TBC1D31: variants seen among roughly 807,000 people sequenced by gnomAD.
TBC1D31 encodes WD repeat domain 67.
Under a neutral mutation model 132.9 loss-of-function variants are expected in TBC1D31, and 99 were observed. The ratio of observed to expected loss-of-function variants is 0.74; its 90% CI spans 0.63 to 0.88. The LOEUF (loss-of-function observed/expected upper bound fraction) is 0.88. Among genes scored for constraint, TBC1D31 ranks in the 40% least tolerant of loss-of-function variants. The pLI, the probability that TBC1D31 is intolerant of heterozygous loss-of-function variation, is 0.00. For missense variants in TBC1D31, 1,134 were observed against 1,256.6 expected (o/e 0.90, Z 1.48); for synonymous variants, 385 against 419.4 (o/e 0.92, Z 1.00).
At chr8:123,151,137 T>TGGTTATTTGGTAACCTTA (rs6150795) in intron 21 of TBC1D31, among the ~76,000 whole-genome samples, 32,761 of 152,122 alleles carry the variant, frequency 0.22, 4,055 homozygotes, top group African/African-American at 0.33. Context: ...ACATATCAAA[T>TGGTTATTTGGTAACCTTA]GGTTATTTGG....
intron 11 of TBC1D31, among the ~76,000 whole-genome samples, chr8:123,122,541 A>G (rs1819598460): frequency 6.6e-6 from 1 of 152,244 alleles, no homozygotes; most frequent in Non-Finnish European, 1.5e-5. Flanking sequence ...GGAAAGTGGG[A>G]CAGAGAGCTA....
chr8:123,098,451 A>G (rs1373049728), intron 6 of TBC1D31, among the ~76,000 whole-genome samples: 1 of 152,058 alleles, frequency 6.6e-6, no homozygotes, highest in East Asian at 1.9e-4. Context: ...ACAGGCATGA[A>G]CCACCATGCC....
chr8:123,152,380 C>T (rs986051873), downstream of TBC1D31, among the ~76,000 whole-genome samples: 1 of 152,114 alleles, frequency 6.6e-6, no homozygotes, highest in African/African-American at 2.4e-5. Context: ...GCGGGACCCC[C>T]TCTTTGTCAG....
chr8:123,082,259 A>G (rs1251042153), intron 2 of TBC1D31, among the ~76,000 whole-genome samples: 2 of 152,038 alleles, frequency 1.3e-5, no homozygotes, highest in African/African-American at 4.8e-5. Flanking sequence ...CCCTGTATCT[A>G]TTCTTATCTT....
intron 3 of TBC1D31, chr8:123,083,529 A>T (rs563104522): frequency 6.6e-6 from 1 of 152,434 alleles, no homozygotes; most frequent in African/African-American, 2.4e-5. Flanking sequence ...AAGTGCTGAG[A>T]TTACAGGCGT....
chr8:123,091,169 A>C (rs188716776), intron 4 of TBC1D31, among the ~76,000 whole-genome samples: 1 of 152,208 alleles, frequency 6.6e-6, no homozygotes, highest in East Asian at 1.9e-4. Flanking sequence ...ACACTATCTA[A>C]ATAATAATGA....
rs190823657 is a variant in TBC1D31 at position 123,127,207 on chromosome 8, A to G, written c.1884+520A>G. 2.3e-3 allele frequency among the ~76,000 whole-genome samples: 344 copies of G among 150,952 alleles called. 2 individuals are homozygous for G. The highest frequency in any genetic ancestry group is 8.2e-3 in the African/African-American group (335 of 40,986). Reference sequence around the variant, plus strand: ...GCAATTATAGCAGGCTAGTAGTCTTATAATCATAGCTTAAGAAAAGAATCA... The same window carrying G: ...GCAATTATAGCAGGCTAGTAGTCTTGTAATCATAGCTTAAGAAAAGAATCA... On this transcript the variant is annotated intron_variant, in intron 13 of 21. Transcript: ENST00000287380.
intron 17 of TBC1D31, among the ~76,000 whole-genome samples, chr8:123,140,358 T>C (rs1006542764): frequency 1.4e-4 from 22 of 152,128 alleles, no homozygotes; most frequent in Admixed American, 6.5e-4. Flanking sequence ...TGAGACTCTG[T>C]CTCAAAAAAT....
chr8:123,096,746 G>A (rs1381529745), intron 5 of TBC1D31, among the ~76,000 whole-genome samples: 1 of 152,204 alleles, frequency 6.6e-6, no homozygotes, highest in East Asian at 1.9e-4. Flanking sequence ...TCCTTTACAA[G>A]TTCTTGTTGA....
chr8:123,155,944 T>C (rs1039855442), downstream of TBC1D31, among the ~76,000 whole-genome samples: 1 of 152,162 alleles, frequency 6.6e-6, no homozygotes, highest in Non-Finnish European at 1.5e-5. The surrounding 1 kb of genome is among the most constrained non-coding windows in gnomAD (Gnocchi z 4.1). Flanking sequence ...AGAGGGTGAA[T>C]AGGGCCATGA....
intron 2 of TBC1D31, among the ~76,000 whole-genome samples, 153 bp downstream of exon 2, chr8:123,077,410 C>T (rs1057311832): frequency 1.5e-5 from 2 of 137,814 alleles, no homozygotes; most frequent in Non-Finnish European, 1.6e-5. Context: ...TGCTAAAGGA[C>T]GAAAGTGGGA....
intron 10 of TBC1D31, among the ~76,000 whole-genome samples, chr8:123,114,027 G>A (rs576514670): frequency 2.6e-4 from 39 of 152,114 alleles, no homozygotes; most frequent in Non-Finnish European, 4.7e-4. Flanking sequence ...TTTTATTTAC[G>A]TTACAGTGGT....
chr8:123,140,883 G>A lies in TBC1D31; in HGVS notation c.2622G>A (p.Gln874=). Reference sequence around the variant, plus strand: ...AGCTGATAGAAGCAGGTGAAACCCAGAGCCAGAAAACTCAGAAGGTAAAAA... The same window carrying A: ...AGCTGATAGAAGCAGGTGAAACCCAAAGCCAGAAAACTCAGAAGGTAAAAA... ...FHKLIEAGET[Q]SQKTQKVIKE... Residue 874 remains glutamine, a synonymous_variant, in exon 18 of 22, where the codon CAG becomes CAA. Coordinates refer to ENST00000287380, the MANE Select transcript of TBC1D31 (RefSeq NM_145647.4). 2 of 1,613,238 alleles carry A rather than the reference G, an allele frequency of 1.2e-6. No homozygotes were observed. Among genetic ancestry groups the A allele is most frequent in the Non-Finnish European group, 1.7e-6 (2 of 1,179,834 alleles).
downstream of TBC1D31, among the ~76,000 whole-genome samples, chr8:123,155,400 C>A (rs2131008646): frequency 6.6e-6 from 1 of 152,244 alleles, no homozygotes; most frequent in Middle Eastern, 3.4e-3. This position sits in a 1 kb window ranked among gnomAD's most constrained non-coding sequence, Gnocchi z 4.1. Flanking sequence ...AGAGGCCAGG[C>A]AGAAGCATTT....
chr8:123,136,225 GA>G (rs1327729037), intron 17 of TBC1D31, among the ~76,000 whole-genome samples: 3 of 152,160 alleles, frequency 2.0e-5, no homozygotes, highest in African/African-American at 7.2e-5. Context: ...TAGAGCAAAA[GA>G]AAATCTGAGA....
At chr8:123,150,218 G>A in intron 21 of TBC1D31, 90 bp downstream of exon 21, 2 of 945,912 alleles carry the variant, frequency 2.1e-6, no homozygotes. Context: ...TTTATAGCAT[G>A]TGGACGCCAT....
At chr8:123,126,020 T>C (rs762335097) in intron 11 of TBC1D31, 36 bp from the exon 12 acceptor site, 12 of 1,521,996 alleles carry the variant, frequency 7.9e-6, no homozygotes, top group African/African-American at 1.4e-5. Flanking sequence ...CATGGAAAGA[T>C]ATTTAAAGAT....
At chr8:123,159,282 A>G in the TBC1D31 span, among the ~76,000 whole-genome samples, 4 of 118,802 alleles carry the variant, frequency 3.4e-5, no homozygotes, top group Middle Eastern at 3.9e-3. Flanking sequence ...AAAAAAAAAA[A>G]AGAAAAAGAA....
intron 1 of TBC1D31, 122 bp from the exon 2 acceptor site, chr8:123,076,989 G>A: frequency 1.2e-6 from 1 of 860,308 alleles, no homozygotes; most frequent in African/African-American, 1.7e-5. Context: ...GAGGAGCGGG[G>A]GTATAGCGGT....
Sources: gnomAD v4.1 joint callset for allele counts (sites outside exome capture counted in the v4.1 genomes callset) on GRCh38, gnomAD v4.1.1 for gene constraint, Gnocchi (gnomAD v3.1) non-coding constraint, MANE v1.5 for transcripts, NCBI Gene and HGNC (gene_info 2026-07-23, HGNC 2026-07-21) for gene names.